Variants in PLPP7 observed in about 807,000 individuals in gnomAD.
The protein encoded by PLPP7 is phospholipid phosphatase 7 (inactive).
PLPP7 carries 11 observed loss-of-function variants against 16.9 expected under a neutral mutation model. The observed-to-expected ratio is 0.65, with a 90% confidence interval of 0.41 to 1.08. The LOEUF (loss-of-function observed/expected upper bound fraction) is 1.08. PLPP7 is among the 50% of genes least tolerant of loss of function. PLPP7 has a pLI of 0.00. For synonymous variants in PLPP7, 174 were observed against 175.1 expected, an observed-to-expected ratio of 0.99 and a Z score of 0.05; for missense variants, 358 against 397.1, an observed-to-expected ratio of 0.90 and a Z score of 0.84.
rs116415436 is a variant in PLPP7 at position 131,299,242 on chromosome 9, C to T, written c.452-8681C>T. ...GGCCAGTGGAGGCTGAGTGACCTCCCTGAAACGTGCACATAGCAGGTCCAG... is the reference window on the plus strand; with the variant it reads ...GGCCAGTGGAGGCTGAGTGACCTCCTTGAAACGTGCACATAGCAGGTCCAG... On this transcript the variant is annotated intron_variant, in intron 1 of 1. Transcript: ENST00000372264. 4.7e-3 allele frequency among the ~76,000 whole-genome samples: 714 copies of T among 152,208 alleles called. 3 individuals carry two copies. The highest frequency in any genetic ancestry group is 0.016 in the African/African-American group (671 of 41,538).
chr9:131,299,196 T>C (rs543728499), intron 1 of PLPP7, among the ~76,000 whole-genome samples: 9 of 113,574 alleles, frequency 7.9e-5, no homozygotes, highest in African/African-American at 8.5e-5. Context: ...GAGTGCGCCC[T>C]GGGTGATCCT....
At chr9:131,293,552 T>A (rs1278635128) in intron 1 of PLPP7, among the ~76,000 whole-genome samples, 1 of 152,202 alleles carries the variant, frequency 6.6e-6, no homozygotes, top group African/African-American at 2.4e-5. Context: ...CACAGTCCCC[T>A]GCCCCGGGGA....
chr9:131,291,567 T>C (rs1377117847), intron 1 of PLPP7: 1 of 293,990 alleles, frequency 3.4e-6, no homozygotes, highest in Non-Finnish European at 5.1e-6. Flanking sequence ...CTTTTTTTTT[T>C]TTTTTTTTTG....
In PLPP7 at chr9:131,290,463, CG is replaced by C. The variant is rs2131210795; in HGVS notation, c.451+16del. The C allele has an allele frequency of 6.8e-7, 1 of 1,473,376 alleles. No individual in the cohort carries two copies. Among genetic ancestry groups the C allele is most frequent in the East Asian group, 2.5e-5 (1 of 39,954 alleles). 91.3% of individuals were successfully genotyped at this position (1,473,376 alleles called of 1,614,324 possible). On this transcript the variant is annotated intron_variant, in intron 1 of 1. Coordinates refer to ENST00000372264, the MANE Select transcript of PLPP7 (RefSeq NM_032728.4). This position sits in a 1 kb window ranked among gnomAD's most constrained non-coding sequence, Gnocchi z 4.2. ...TCTGCTCCTGGGTGAGTGTGCCTGCCGCCCGCCACTCACTGTCAGGCCCCTC... is the reference window on the plus strand; with the variant it reads ...TCTGCTCCTGGGTGAGTGTGCCTGCCCCCGCCACTCACTGTCAGGCCCCTC...
At position 131,295,197 on chromosome 9, in the gene PLPP7, AGGCT is replaced by A. The variant is rs924696786; in HGVS notation, c.451+4752_451+4755del. On this transcript the variant is annotated intron_variant, in intron 1 of 1. Transcript: ENST00000372264. The surrounding 1 kb of genome is among the most constrained non-coding windows in gnomAD (Gnocchi z 4.0). ...GAGACGGAGTCTCGCTCTGTCACCCAGGCTGGACTGCAGTGCTGTGATCTTGGCT... is the reference window on the plus strand; with the variant it reads ...GAGACGGAGTCTCGCTCTGTCACCCAGGACTGCAGTGCTGTGATCTTGGCT... Among the ~76,000 whole-genome samples the A allele has an allele frequency of 1.3e-5, 2 of 151,616 alleles. No individual in the cohort carries two copies. The highest frequency in any genetic ancestry group is 4.8e-5 in the African/African-American group (2 of 41,258).
At chr9:131,291,031 G>A (rs1835669431) in intron 1 of PLPP7, 1 of 1,355,846 alleles carries the variant, frequency 7.4e-7, no homozygotes, top group Admixed American at 1.9e-5. Context: ...TCCTTCCCAG[G>A]GGGAGTCACT....
chr9:131,305,741 C>T (rs188839617), intron 1 of PLPP7, among the ~76,000 whole-genome samples: 359 of 152,260 alleles, frequency 2.4e-3, no homozygotes, highest in African/African-American at 8.2e-3. Context: ...GCAATCCTCC[C>T]ACCTCAGCCT....
chr9:131,308,126 G>A lies in PLPP7; in HGVS notation c.655G>A (p.Val219Met). The change falls in exon 2 of 2, where the codon GTG (valine) becomes ATG (methionine). Residue 219 changes from valine (V) to methionine (M), a missense_variant. Physicochemically the swap from Val to Met is conservative, Grantham distance 21. Coordinates refer to ENST00000372264, the MANE Select transcript of PLPP7 (RefSeq NM_032728.4). Reference sequence around the variant, plus strand: ...GGCGGTGCCCCTGCGTGTGCTGCTGGTGCTCTGGGCCCTCTGCGTGGGCCT... The same window carrying A: ...GGCGGTGCCCCTGCGTGTGCTGCTGATGCTCTGGGCCCTCTGCGTGGGCCT... ...VLAVPLRVLLVLWALCVGLSR... is the reference protein window; with the variant it reads ...VLAVPLRVLLMLWALCVGLSR... The A allele has an allele frequency of 6.2e-7, 1 of 1,601,040 alleles. No homozygotes were observed. Among genetic ancestry groups the A allele is most frequent in the Non-Finnish European group, 8.5e-7 (1 of 1,179,798 alleles).
At chr9:131,292,045 G>A (rs1275751519) in intron 1 of PLPP7, among the ~76,000 whole-genome samples, 1 of 152,248 alleles carries the variant, frequency 6.6e-6, no homozygotes, top group Non-Finnish European at 1.5e-5. Context: ...CAGGGCTTGA[G>A]ATTTGCACTG....
Position 131,295,640 on chromosome 9 carries a change from C to G in PLPP7, c.451+5192C>G, listed in dbSNP as rs930493219. ...ATCTTAAAACACAGAAGCTCTGTCC[C>G]CATTAAGCACTGACTCCCCACTCCC... On this transcript the variant is annotated intron_variant, in intron 1 of 1. Transcript: ENST00000372264. The surrounding 1 kb of genome is among the most constrained non-coding windows in gnomAD (Gnocchi z 4.0). Among the ~76,000 whole-genome samples the G allele has an allele frequency of 6.6e-6, 1 of 152,068 alleles. No individual in the cohort carries two copies.
rs1314244888 is a variant in PLPP7, at chr9:131,309,048, C to T, written c.*761C>T. 1 of 152,548 alleles carries T rather than the reference C, an allele frequency of 6.6e-6. No individual in the cohort carries two copies. Among genetic ancestry groups the T allele is most frequent in the African/African-American group, 2.4e-5 (1 of 41,446 alleles). 9.4% of individuals were successfully genotyped at this position (152,548 alleles called of 1,614,324 possible). ...TCAAGTGCGTTTTGGGAGCTGCTGC[C>T]AGAGAGCTAAAGGGCCTGGGGTGTG... On this transcript the variant is annotated 3_prime_UTR_variant, in exon 2 of 2. Coordinates refer to ENST00000372264, the MANE Select transcript of PLPP7 (RefSeq NM_032728.4).
rs1588206505 is a variant in PLPP7 at position 131,290,748 on chromosome 9, G to A, written c.451+300G>A. ...CTGCCCAGAGGCAGCTTGAAGGGAGGCTGGGCCAGAGGCGGTGGCCTCAAG... is the reference window on the plus strand; with the variant it reads ...CTGCCCAGAGGCAGCTTGAAGGGAGACTGGGCCAGAGGCGGTGGCCTCAAG... On this transcript the variant is annotated intron_variant, in intron 1 of 1. Transcript: ENST00000372264. The surrounding 1 kb of genome is among the most constrained non-coding windows in gnomAD (Gnocchi z 4.2). Among the ~76,000 whole-genome samples, 3 of 152,346 alleles carry A rather than the reference G, an allele frequency of 2.0e-5. No homozygotes were observed. The South Asian group carries it at 6.2e-4, about 32-fold the overall frequency.
intron 1 of PLPP7, among the ~76,000 whole-genome samples, chr9:131,292,147 C>T (rs1205213669): frequency 1.3e-5 from 2 of 152,302 alleles, no homozygotes; most frequent in South Asian, 2.1e-4. Flanking sequence ...GGCACTAGGC[C>T]AGGCGCTTCC....
chr9:131,300,689 GAAAAAAAAAAAA>G (rs1165239833), intron 1 of PLPP7, among the ~76,000 whole-genome samples: 2 of 40,378 alleles, frequency 5.0e-5, no homozygotes, highest in Admixed American at 2.6e-4. Flanking sequence ...CTCAAAAGCA[GAAAAAAAAAAAA>G]AAAAAAAAAA....
chr9:131,295,046 C>T lies in PLPP7; in HGVS notation c.451+4598C>T, dbSNP rs1419279257. On this transcript the variant is annotated intron_variant, in intron 1 of 1. Transcript: ENST00000372264. This position sits in a 1 kb window ranked among gnomAD's most constrained non-coding sequence, Gnocchi z 4.0. Reference sequence around the variant, plus strand: ...GGCTCACTGGCATGAACCCGGGAGGCGGAGCTTGCAGTGAGCTGAGATCGC... The same window carrying T: ...GGCTCACTGGCATGAACCCGGGAGGTGGAGCTTGCAGTGAGCTGAGATCGC... Among the ~76,000 whole-genome samples the T allele has an allele frequency of 6.8e-6, 1 of 146,698 alleles. No homozygotes were observed. The highest frequency in any genetic ancestry group is 1.5e-5 in the Non-Finnish European group (1 of 66,580).
intron 1 of PLPP7, among the ~76,000 whole-genome samples, chr9:131,306,969 A>G (rs1835860074): frequency 6.6e-6 from 1 of 152,168 alleles, no homozygotes; most frequent in Admixed American, 6.6e-5. Flanking sequence ...GGGGCTGGGC[A>G]CAGTGGCTCA....
Position 131,292,791 on chromosome 9 carries a change from T to C in PLPP7, c.451+2343T>C, listed in dbSNP as rs989703292. The C allele has an allele frequency of 7.1e-6, 7 of 984,960 alleles. No individual in the cohort carries two copies. The African/African-American group carries it at 1.2e-4, about 17-fold the overall frequency. 61.0% of individuals were successfully genotyped at this position (984,960 alleles called of 1,614,324 possible). On this transcript the variant is annotated intron_variant, in intron 1 of 1. Transcript: ENST00000372264. Reference sequence around the variant, plus strand: ...CTGCTTTGTTTTTTTTTTACAGGAATGTTTGCTTTTAAGAACATTTCCCCT... The same window carrying C: ...CTGCTTTGTTTTTTTTTTACAGGAACGTTTGCTTTTAAGAACATTTCCCCT...
At position 131,307,918 on chromosome 9, in the gene PLPP7, A is replaced by G; in HGVS notation, c.452-5A>G. On this transcript the variant is annotated splice_polypyrimidine_tract_variant and splice_region_variant and intron_variant, in intron 1 of 1. Transcript: ENST00000372264. ...GGCCCAGGGGCCTCTGTCTCCCCCC[A>G]ACAGCCCTGCTCCTGGACATCATGA... 1 of 1,574,288 alleles carries G rather than the reference A, an allele frequency of 6.4e-7. No homozygotes were observed. The highest frequency in any genetic ancestry group is 1.1e-5 in the South Asian group (1 of 88,036).
intron 1 of PLPP7, among the ~76,000 whole-genome samples, chr9:131,301,639 C>T (rs1202699284): frequency 6.6e-6 from 1 of 152,148 alleles, no homozygotes. Context: ...CCTCCAGGAC[C>T]AGAGCCTCCC....
Sources: gnomAD v4.1 joint callset for allele counts (sites outside exome capture counted in the v4.1 genomes callset) on GRCh38, gnomAD v4.1.1 for gene constraint, Gnocchi (gnomAD v3.1) non-coding constraint, MANE v1.5 for transcripts, NCBI Gene and HGNC (gene_info 2026-07-23, HGNC 2026-07-21) for gene names.